The following COL11A1 variants were observed in gnomAD, a reference collection of about 807,000 sequenced individuals.
COL11A1 encodes collagen type XI alpha 1 chain, also known as collagen alpha-1(XI) chain.
COL11A1 carries 74 observed loss-of-function variants against 265.2 expected under a neutral mutation model. The observed-to-expected ratio is 0.28, with a 90% CI of 0.23 to 0.34. COL11A1 has a LOEUF of 0.34. COL11A1 is among the 10% of genes least tolerant of loss of function. The pLI, the probability that COL11A1 is intolerant of heterozygous loss-of-function variation, is 1.00. For missense variants in COL11A1, 2,165 were observed against 2,263.6 expected (o/e 0.96, Z 0.88); for synonymous variants, 816 against 727.6 (o/e 1.12, Z -1.96).
intron 54 of COL11A1, among the ~76,000 whole-genome samples, chr1:102,904,547 A>C (rs1170030808): frequency 6.6e-6 from 1 of 152,060 alleles, no homozygotes; most frequent in South Asian, 2.1e-4. Flanking sequence ...AAACAACCCC[A>C]TCAAAAAGTG....
intron 54 of COL11A1, among the ~76,000 whole-genome samples, chr1:102,903,101 G>A (rs965356020): frequency 2.0e-5 from 3 of 151,568 alleles, no homozygotes; most frequent in Non-Finnish European, 4.4e-5. Flanking sequence ...TTCAGTAAAA[G>A]GACATGGAAC....
chr1:103,013,913 CAT>C (rs1666336107), intron 13 of COL11A1, among the ~76,000 whole-genome samples: 1 of 151,894 alleles, frequency 6.6e-6, no homozygotes, highest in Non-Finnish European at 1.5e-5. Flanking sequence ...AATTAAAAAA[CAT>C]AAATGTAATT....
intron 37 of COL11A1, among the ~76,000 whole-genome samples, chr1:102,966,080 T>C (rs1661377496): frequency 6.6e-6 from 1 of 152,346 alleles, no homozygotes. Flanking sequence ...AGAGATATAG[T>C]CATAAATGCA....
At chr1:103,049,969 G>A (rs1425855953) in intron 4 of COL11A1, among the ~76,000 whole-genome samples, 2 of 152,184 alleles carry the variant, frequency 1.3e-5, no homozygotes, top group African/African-American at 2.4e-5. Flanking sequence ...CGAGAGATCA[G>A]CTGTTAATCT....
chr1:102,920,386 G>T (rs1655843086), intron 48 of COL11A1, 22 bp from the exon 49 acceptor site: 1 of 1,602,930 alleles, frequency 6.2e-7, no homozygotes, highest in Non-Finnish European at 8.5e-7. Flanking sequence ...AAAAAGGAAT[G>T]TAATTATCCA....
chr1:103,002,298 G>A (rs1665182916), intron 23 of COL11A1, 130 bp downstream of exon 23: 2 of 895,680 alleles, frequency 2.2e-6, no homozygotes, highest in Non-Finnish European at 3.5e-6. Context: ...AGAAAAGTAT[G>A]TATTTTCCTA....
intron 28 of COL11A1, among the ~76,000 whole-genome samples, chr1:102,994,410 G>A (rs1181045658): frequency 1.3e-5 from 2 of 151,974 alleles, no homozygotes; most frequent in Non-Finnish European, 2.9e-5. Context: ...AAAGCATGTG[G>A]CACCTTCTTC....
chr1:103,077,482 A>G (rs71655808), intron 3 of COL11A1, among the ~76,000 whole-genome samples: 5,667 of 152,192 alleles, frequency 0.037, 123 homozygotes, highest in Middle Eastern at 0.092. Flanking sequence ...GTGCTATTAT[A>G]TCTAATTTGT....
intron 4 of COL11A1, among the ~76,000 whole-genome samples, chr1:103,039,447 G>A (rs867061409): frequency 2.0e-5 from 3 of 152,172 alleles, no homozygotes; most frequent in Non-Finnish European, 4.4e-5. Context: ...AGGTAATTAA[G>A]GTTAAACGAA....
chr1:102,920,888 C>A (rs1445326540), intron 48 of COL11A1, among the ~76,000 whole-genome samples: 1 of 151,936 alleles, frequency 6.6e-6, no homozygotes, highest in South Asian at 2.1e-4. Context: ...AAATGAAGAC[C>A]AGAGACATGA....
At chr1:103,050,981 C>A (rs2102132016) in intron 4 of COL11A1, among the ~76,000 whole-genome samples, 1 of 152,272 alleles carries the variant, frequency 6.6e-6, no homozygotes, top group African/African-American at 2.4e-5. Flanking sequence ...CAGAGGAGTA[C>A]CTGGCCCTGT....
In COL11A1 at chr1:103,040,587, G is replaced by A. The variant is rs375653359; in HGVS notation, c.652-9343C>T. Among the ~76,000 whole-genome samples the A allele has an allele frequency of 1.8e-4, 28 of 151,498 alleles. No homozygotes were observed. In the East Asian group the frequency reaches 3.3e-3, roughly 18 times the overall value. On this transcript the variant is annotated intron_variant, in intron 4 of 66. Coordinates refer to ENST00000370096, the MANE Select transcript of COL11A1 (RefSeq NM_001854.4). ...TCTTTAAATGATTAACATTTAAAATGTTACCACAGTTTGATCCCCCTCCCA... is the reference window on the plus strand; with the variant it reads ...TCTTTAAATGATTAACATTTAAAATATTACCACAGTTTGATCCCCCTCCCA...
At chr1:103,066,557 A>G (rs1444781848) in intron 4 of COL11A1, among the ~76,000 whole-genome samples, 1 of 143,888 alleles carries the variant, frequency 6.9e-6, no homozygotes, top group Non-Finnish European at 1.5e-5. Context: ...CTCAGCACCA[A>G]AAAAAAAAAA....
intron 12 of COL11A1, 127 bp from the exon 13 acceptor site, chr1:103,014,721 C>T (rs1016397132): frequency 7.9e-6 from 6 of 755,798 alleles, no homozygotes; most frequent in Non-Finnish European, 1.4e-5. Context: ...AAAGTAACTC[C>T]GTAATGAATC....
In COL11A1 at chr1:102,880,246, GA is replaced by G. The variant is rs890780964; in HGVS notation, c.5041-331del. Among the ~76,000 whole-genome samples the G allele has an allele frequency of 7.2e-4, 108 of 150,198 alleles. 1 individual carries two copies. The highest frequency in any genetic ancestry group is 6.0e-3 in the Admixed American group (90 of 15,088). On this transcript the variant is annotated intron_variant, in intron 65 of 66. Transcript: ENST00000370096. ...TTTCAATATATTTCTGTATCTTTTT[GA>G]AAAAAAAATTGGTAAAATAATGGAA...
chr1:102,986,712 T>C (rs1008686541), intron 30 of COL11A1, among the ~76,000 whole-genome samples: 1 of 152,192 alleles, frequency 6.6e-6, no homozygotes, highest in African/African-American at 2.4e-5. Flanking sequence ...CTTGTCATCA[T>C]AGACAAATGT....
In COL11A1 at chr1:103,082,975, G is replaced by A; in HGVS notation, c.107-3C>T. On this transcript the variant is annotated splice_region_variant and splice_polypyrimidine_tract_variant and intron_variant, in intron 1 of 66. Transcript: ENST00000370096. ...TTTTAGTACATCAACTGGAGCAGCTGAAAAATAAGCAAACAATAAAAAACC... is the reference window on the plus strand; with the variant it reads ...TTTTAGTACATCAACTGGAGCAGCTAAAAAATAAGCAAACAATAAAAAACC... The A allele has an allele frequency of 6.2e-7, 1 of 1,612,078 alleles. No homozygotes were observed. Among genetic ancestry groups the A allele is most frequent in the Non-Finnish European group, 8.5e-7 (1 of 1,179,038 alleles).
chr1:102,997,975 T>A (rs1419275003), intron 25 of COL11A1, among the ~76,000 whole-genome samples: 1 of 151,516 alleles, frequency 6.6e-6, no homozygotes, highest in Non-Finnish European at 1.5e-5. Context: ...TTGGGAAAGG[T>A]AAGGTGATAG....
chr1:103,088,644 G>A (rs117938309), intron 1 of COL11A1, among the ~76,000 whole-genome samples: 115 of 152,268 alleles, frequency 7.6e-4, no homozygotes, highest in East Asian at 5.2e-3. Context: ...ACAGAGTTGC[G>A]TAGCTGCAAC....
Sources: gnomAD v4.1 joint callset for allele counts (sites outside exome capture counted in the v4.1 genomes callset) on GRCh38, gnomAD v4.1.1 for gene constraint, MANE v1.5 for transcripts, NCBI Gene and HGNC (gene_info 2026-07-23, HGNC 2026-07-21) for gene names.